The following RRP1B variants were observed in gnomAD, a reference collection of about 807,000 sequenced individuals.
RRP1B encodes the protein ribosomal RNA processing protein 1 homolog B.
In RRP1B, 56 loss-of-function variants were observed where a neutral mutation model predicts 80.2. The ratio of observed to expected loss-of-function variants is 0.70; its 90% CI spans 0.56 to 0.87. RRP1B has a LOEUF of 0.87. Ranked by LOEUF, RRP1B falls within the 40% of genes least tolerant of loss-of-function variation. RRP1B has a pLI of 0.00. For missense variants in RRP1B, 807 were observed against 939.8 expected (o/e 0.86, Z 1.85); for synonymous variants, 351 against 357.6 (o/e 0.98, Z 0.21).
At chr21:43,663,304 C>A (rs1431480868) in intron 1 of RRP1B, among the ~76,000 whole-genome samples, 2 of 152,214 alleles carry the variant, frequency 1.3e-5, no homozygotes, top group African/African-American at 2.4e-5. Flanking sequence ...TTCACTCTTT[C>A]ACCCAGGCTG....
At chr21:43,683,191 C>A in intron 8 of RRP1B, 88 bp from the exon 9 acceptor site, 1 of 1,057,122 alleles carries the variant, frequency 9.5e-7, no homozygotes, top group Non-Finnish European at 1.4e-6. Flanking sequence ...TGCTAAGAGA[C>A]ACCTAATTAG....
chr21:43,672,890 A>AC (rs2147165519), intron 3 of RRP1B, among the ~76,000 whole-genome samples: 1 of 152,196 alleles, frequency 6.6e-6, no homozygotes, highest in East Asian at 1.9e-4. Context: ...GATTTCAACC[A>AC]CCCCCAGTGG....
Position 43,687,987 on chromosome 21 carries a change from C to T in RRP1B, c.1613C>T (p.Ser538Phe), listed in dbSNP as rs1359110307. The change falls in exon 13 of 16, where the codon TCC becomes TTC. Residue 538 changes from serine to phenylalanine, a missense_variant. By Grantham distance (155) the Ser-to-Phe change is radical. Transcript: ENST00000340648. ...GTGCCCGTCAATGGCAGTGGCCTGT[C>T]CACGCCGGCCTGGCCTCCATTGCAG... ...GVVPVNGSGL[S>F]TPAWPPLQQE... 6.2e-7 allele frequency: 1 copy of T among 1,612,978 alleles called. No individual in the cohort carries two copies. The highest frequency in any genetic ancestry group is 8.5e-7 in the Non-Finnish European group (1 of 1,179,896).
chr21:43,665,410 G>A lies in RRP1B; in HGVS notation c.131-4474G>A, dbSNP rs114606197. Among the ~76,000 whole-genome samples, 643 of 152,354 alleles carry A rather than the reference G, an allele frequency of 4.2e-3. 1 individual carries two copies. Among genetic ancestry groups the A allele is most frequent in the African/African-American group, 0.014 (590 of 41,574 alleles). The stretch of plus-strand genomic sequence containing the variant: ...TTCAGAGCCTGGGATTCAGGAGGCA[G>A]GGAGCAAGACAAGCTTGTGATTATA... On this transcript the variant is annotated intron_variant, in intron 1 of 15. Transcript: ENST00000340648.
In RRP1B at chr21:43,661,438, A is replaced by G. The variant is rs928213704; in HGVS notation, c.130+1644A>G. Among the ~76,000 whole-genome samples, 11 of 152,296 alleles carry G rather than the reference A, an allele frequency of 7.2e-5. No individual in the cohort carries two copies. The South Asian group carries it at 1.2e-3, about 17-fold the overall frequency. Reference sequence around the variant, plus strand: ...GGTTCCCACCAGCCATTCAGATTCCAGCCGGACACACGGGATTGTCCTGGA... The same window carrying G: ...GGTTCCCACCAGCCATTCAGATTCCGGCCGGACACACGGGATTGTCCTGGA... On this transcript the variant is annotated intron_variant, in intron 1 of 15. Coordinates refer to ENST00000340648, the MANE Select transcript of RRP1B (RefSeq NM_015056.3).
intron 8 of RRP1B, among the ~76,000 whole-genome samples, chr21:43,679,179 G>A (rs574396016): frequency 1.3e-5 from 2 of 151,240 alleles, no homozygotes; most frequent in Non-Finnish European, 2.9e-5. Flanking sequence ...GTTTGAAATC[G>A]AGTGTTCTGA....
intron 11 of RRP1B, chr21:43,686,082 C>G: frequency 3.9e-6 from 1 of 254,368 alleles, no homozygotes; most frequent in Non-Finnish European, 7.4e-6. Context: ...AATCACACCA[C>G]TGCACTCCAG....
intron 8 of RRP1B, among the ~76,000 whole-genome samples, chr21:43,680,087 T>C (rs2083037331): frequency 6.6e-6 from 1 of 152,182 alleles, no homozygotes; most frequent in South Asian, 2.1e-4. Context: ...TAGGAGCTTT[T>C]TGGGTGAGTG....
chr21:43,687,074 G>T, intron 12 of RRP1B, 139 bp downstream of exon 12: 6 of 1,010,894 alleles, frequency 5.9e-6, no homozygotes, highest in Non-Finnish European at 7.1e-6. Flanking sequence ...TGGCTGAGAG[G>T]TAAAGGCGGT....
intron 5 of RRP1B, 70 bp from the exon 6 acceptor site, chr21:43,674,964 T>G: frequency 6.3e-7 from 1 of 1,584,478 alleles, no homozygotes; most frequent in Non-Finnish European, 8.6e-7. Context: ...CGGAGTATTT[T>G]TGTTTCTCTT....
chr21:43,669,809 A>C, intron 1 of RRP1B, 75 bp from the exon 2 acceptor site: 1 of 1,018,488 alleles, frequency 9.8e-7, no homozygotes, highest in South Asian at 1.4e-5. Context: ...AATGTATGTG[A>C]TACTTCACCA....
intron 9 of RRP1B, among the ~76,000 whole-genome samples, 157 bp from the exon 10 acceptor site, chr21:43,684,396 G>T (rs958692489): frequency 1.3e-5 from 2 of 152,178 alleles, no homozygotes; most frequent in Non-Finnish European, 2.9e-5. Context: ...CAAAGGTAGT[G>T]CTTGTGCTCC....
intron 8 of RRP1B, among the ~76,000 whole-genome samples, chr21:43,680,890 T>C (rs2147170839): frequency 6.6e-6 from 1 of 152,274 alleles, no homozygotes; most frequent in South Asian, 2.1e-4. Context: ...TTATGGGTGA[T>C]TTCTGTTTCC....
chr21:43,659,817 C>T lies in RRP1B; in HGVS notation c.130+23C>T. On this transcript the variant is annotated intron_variant, in intron 1 of 15. Coordinates refer to ENST00000340648, the MANE Select transcript of RRP1B (RefSeq NM_015056.3). This position sits in a 1 kb window ranked among gnomAD's most constrained non-coding sequence, Gnocchi z 4.2. Reference sequence around the variant, plus strand: ...CAGGTGGGCGCACGGCCGCGGTCAGCCGCGCCACATGGCGGGCCGGGGGCC... The same window carrying T: ...CAGGTGGGCGCACGGCCGCGGTCAGTCGCGCCACATGGCGGGCCGGGGGCC... The T allele has an allele frequency of 1.3e-6, 2 of 1,493,002 alleles. No individual in the cohort carries two copies. Among genetic ancestry groups the T allele is most frequent in the South Asian group, 1.3e-5 (1 of 78,478 alleles). The allele number at this position is 1,493,002 out of a possible 1,614,324, so 92.5% of individuals were successfully genotyped here. A position where few individuals can be genotyped will look rare whatever the true frequency, so the allele number is the denominator to read the frequency against.
Position 43,674,683 on chromosome 21 carries a change from T to C in RRP1B, c.405T>C (p.Asn135=), listed in dbSNP as rs369402114. The C allele has an allele frequency of 5.6e-6, 9 of 1,594,452 alleles. No individual in the cohort carries two copies. Among genetic ancestry groups the C allele is most frequent in the Non-Finnish European group, 2.6e-6 (3 of 1,173,710 alleles). Residue 135 remains asparagine, a synonymous_variant, in exon 5 of 16, where the codon AAT becomes AAC. Coordinates refer to ENST00000340648, the MANE Select transcript of RRP1B (RefSeq NM_015056.3). ...AGTCCTTTGAAGTCTTGAAGCGAAATGGCTGGGAAGAAAGGTCAGTAAACC... is the reference window on the plus strand; with the variant it reads ...AGTCCTTTGAAGTCTTGAAGCGAAACGGCTGGGAAGAAAGGTCAGTAAACC... ...LRQSFEVLKR[N]GWEESRIKVF... is the part of the protein sequence containing the mutation.
At chr21:43,678,880 C>A (rs1291662529) in intron 8 of RRP1B, among the ~76,000 whole-genome samples, 2 of 152,138 alleles carry the variant, frequency 1.3e-5, no homozygotes, top group Non-Finnish European at 2.9e-5. Context: ...CTATCTTCTA[C>A]AATTTGTATG....
At chr21:43,671,000 C>A (rs2082997242) in intron 2 of RRP1B, among the ~76,000 whole-genome samples, 1 of 152,142 alleles carries the variant, frequency 6.6e-6, no homozygotes. Context: ...AAGTAACAAC[C>A]AACAGCTTTA....
At chr21:43,680,529 A>C (rs748794699) in intron 8 of RRP1B, among the ~76,000 whole-genome samples, 2 of 151,642 alleles carry the variant, frequency 1.3e-5, no homozygotes, top group Non-Finnish European at 2.9e-5. Context: ...GAGCCACTGC[A>C]CTCCAGCCTG....
chr21:43,667,498 T>C lies in RRP1B; in HGVS notation c.131-2386T>C, dbSNP rs367897712. Among the ~76,000 whole-genome samples the C allele has an allele frequency of 1.3e-4, 20 of 152,286 alleles. No homozygotes were observed. The East Asian group carries it at 3.7e-3, about 28-fold the overall frequency. The stretch of plus-strand genomic sequence containing the variant: ...CAATGTTGTAGAGATTGGGTTTTGC[T>C]GTGTTGCCCAGGCTGGTCTCAAACT... On this transcript the variant is annotated intron_variant, in intron 1 of 15. Coordinates refer to ENST00000340648, the MANE Select transcript of RRP1B (RefSeq NM_015056.3).
Sources: allele counts gnomAD v4.1 joint callset (sites outside exome capture counted in the v4.1 genomes callset), GRCh38; gene constraint gnomAD v4.1.1; non-coding constraint Gnocchi (gnomAD v3.1); transcripts MANE v1.5; gene names NCBI Gene and HGNC (gene_info 2026-07-23, HGNC 2026-07-21).